The following TBC1D4 variants were observed in gnomAD, a reference collection of about 807,000 sequenced individuals.
The protein encoded by TBC1D4 is TBC (Tre-2, BUB2, CDC16) domain-containing protein.
Under a neutral mutation model 142.5 loss-of-function variants are expected in TBC1D4, and 121 were observed. The observed-to-expected ratio is 0.85, with a 90% CI of 0.73 to 0.99. The LOEUF (loss-of-function observed/expected upper bound fraction) is 0.99. TBC1D4 is among the 50% of genes least tolerant of loss of function. TBC1D4 has a pLI of 0.00. For synonymous variants in TBC1D4, 630 were observed against 628.2 expected, an observed-to-expected ratio of 1.00 and a Z score of -0.04; for missense variants, 1,475 against 1,606.6, an observed-to-expected ratio of 0.92 and a Z score of 1.40.
intron 1 of TBC1D4, among the ~76,000 whole-genome samples, chr13:75,457,655 G>A (rs1887793337): frequency 6.6e-6 from 1 of 152,150 alleles, no homozygotes. Context: ...TCTTTCACTT[G>A]ACACAGGCAA....
chr13:75,473,918 T>C (rs1175789146), intron 1 of TBC1D4, among the ~76,000 whole-genome samples: 1 of 152,206 alleles, frequency 6.6e-6, no homozygotes. Context: ...TAAATGTAGA[T>C]CCTAATGATC....
At chr13:75,346,016 A>G (rs1287161726) in intron 5 of TBC1D4, among the ~76,000 whole-genome samples, 1 of 152,254 alleles carries the variant, frequency 6.6e-6, no homozygotes, top group Non-Finnish European at 1.5e-5. Context: ...TTGCCTACAC[A>G]GAACTAATTT....
intron 1 of TBC1D4, among the ~76,000 whole-genome samples, chr13:75,399,025 T>C (rs1023584221): frequency 1.3e-5 from 2 of 152,156 alleles, no homozygotes; most frequent in Admixed American, 6.5e-5. Context: ...TCTTAAAATT[T>C]GGGGGTACTA....
At chr13:75,471,111 G>T (rs1888380897) in intron 1 of TBC1D4, among the ~76,000 whole-genome samples, 1 of 151,530 alleles carries the variant, frequency 6.6e-6, no homozygotes, top group African/African-American at 2.4e-5. Context: ...ATTTAATTAT[G>T]TCATGTTCAC....
At chr13:75,465,560 G>A (rs2050998942) in intron 1 of TBC1D4, among the ~76,000 whole-genome samples, 1 of 152,128 alleles carries the variant, frequency 6.6e-6, no homozygotes, top group Non-Finnish European at 1.5e-5. Flanking sequence ...TCTCAAACTG[G>A]AGGTCCCTGT....
chr13:75,393,601 G>T (rs1884609205), intron 1 of TBC1D4, among the ~76,000 whole-genome samples: 2 of 152,082 alleles, frequency 1.3e-5, no homozygotes, highest in Admixed American at 6.5e-5. Context: ...AAATTTGTAG[G>T]TTCCACATTC....
At chr13:75,329,414 G>A (rs1236580358) in intron 8 of TBC1D4, among the ~76,000 whole-genome samples, 5 of 128,378 alleles carry the variant, frequency 3.9e-5, no homozygotes, top group East Asian at 2.4e-4. Flanking sequence ...CTCCCCTCAC[G>A]TCTCCTCTCC....
intron 1 of TBC1D4, among the ~76,000 whole-genome samples, chr13:75,409,792 A>C (rs1885523368): frequency 6.6e-6 from 1 of 152,246 alleles, no homozygotes; most frequent in African/African-American, 2.4e-5. Flanking sequence ...AATTTCAATT[A>C]ATAAATTTAG....
At chr13:75,340,820 C>T (rs1451866469) in intron 7 of TBC1D4, among the ~76,000 whole-genome samples, 1 of 152,158 alleles carries the variant, frequency 6.6e-6, no homozygotes, top group Non-Finnish European at 1.5e-5. Context: ...GTGGTGCATG[C>T]CTGTAGTCCC....
chr13:75,476,604 C>A (rs1367500318), intron 1 of TBC1D4, among the ~76,000 whole-genome samples: 1 of 152,206 alleles, frequency 6.6e-6, no homozygotes, highest in Non-Finnish European at 1.5e-5. Context: ...ACAGGCAAAT[C>A]ATTAAGCTAG....
rs769777796 is a variant in TBC1D4 at position 75,288,972 on chromosome 13, G to C, written c.3625C>G (p.Leu1209Val). ...AGGAGGTCCATGTTTTGTCTTTTCA[G>C]TTGGCTATTGGCCCTCTCCAGCTTC... Reference protein sequence around the residue: ...LEKLERANSQLKRQNMDLLEK... With the variant: ...LEKLERANSQVKRQNMDLLEK... The change falls in exon 20 of 21, where the codon CTG (leucine) becomes GTG (valine). Residue 1209 changes from leucine to valine, a missense_variant. By Grantham distance (32) the Leu-to-Val change is conservative (BLOSUM62 1). Coordinates refer to ENST00000377636, the MANE Select transcript of TBC1D4 (RefSeq NM_014832.5). The C allele has an allele frequency of 3.4e-5, 55 of 1,613,584 alleles. No individual in the cohort carries two copies. Among genetic ancestry groups the C allele is most frequent in the Non-Finnish European group, 4.6e-5 (54 of 1,179,852 alleles).
intron 1 of TBC1D4, among the ~76,000 whole-genome samples, chr13:75,438,993 T>C (rs1189563572): frequency 6.6e-6 from 1 of 152,226 alleles, no homozygotes; most frequent in East Asian, 1.9e-4. Context: ...TACAGTATTA[T>C]GTGGACCATA....
intron 16 of TBC1D4, among the ~76,000 whole-genome samples, chr13:75,301,175 T>C (rs933128299): frequency 6.6e-6 from 1 of 152,238 alleles, no homozygotes. Flanking sequence ...CCACCTGACA[T>C]ATATCAACTT....
intron 5 of TBC1D4, among the ~76,000 whole-genome samples, chr13:75,348,194 ACATT>A (rs1399210815): frequency 6.6e-6 from 1 of 152,202 alleles, no homozygotes; most frequent in East Asian, 1.9e-4. Flanking sequence ...AGTTGTGTAA[ACATT>A]CAACGAATAC....
chr13:75,384,698 T>G (rs74096243), intron 1 of TBC1D4, among the ~76,000 whole-genome samples: 119 of 152,192 alleles, frequency 7.8e-4, no homozygotes, highest in African/African-American at 2.7e-3. Flanking sequence ...TTTCTTATGA[T>G]TAATCTATGA....
At position 75,312,880 on chromosome 13, in the gene TBC1D4, T is replaced by G; in HGVS notation, c.2241A>C (p.Lys747Asn). ...CATTGCTGCAGGTAGATGAGGTCCT[T>G]TTTCTCCCTTCTCCATCACTGTTGA... The part of the protein sequence containing the change: ...ASESSDGEGR[K>N]RTSSTCSNES... The change falls in exon 13 of 21, where the codon AAA becomes AAC. Residue 747 changes from lysine to asparagine, a missense_variant. Transcript: ENST00000377636. The G allele has an allele frequency of 1.2e-6, 2 of 1,614,146 alleles. No individual in the cohort carries two copies. Among genetic ancestry groups the G allele is most frequent in the Non-Finnish European group, 1.7e-6 (2 of 1,180,026 alleles).
chr13:75,417,209 C>T (rs952842923), intron 1 of TBC1D4, among the ~76,000 whole-genome samples: 3 of 152,200 alleles, frequency 2.0e-5, no homozygotes, highest in Non-Finnish European at 4.4e-5. Context: ...GCTGCCCCCT[C>T]GCTGAAATGG....
rs145235278 is a variant in TBC1D4, at chr13:75,465,985, C to A, written c.498+15285G>T. ...GTCCTGTTTTTCCAGACTGAACCAA[C>A]GTACATCTCACCTGTATCGACTGAT... On this transcript the variant is annotated intron_variant, in intron 1 of 20. Coordinates refer to ENST00000377636, the MANE Select transcript of TBC1D4 (RefSeq NM_014832.5). Among the ~76,000 whole-genome samples, 7 of 152,318 alleles carry A rather than the reference C, an allele frequency of 4.6e-5. No individual in the cohort carries two copies. In the East Asian group the frequency reaches 1.3e-3, roughly 29 times the overall value.
At chr13:75,443,040 G>T (rs1191442772) in intron 1 of TBC1D4, among the ~76,000 whole-genome samples, 1 of 152,106 alleles carries the variant, frequency 6.6e-6, no homozygotes, top group Admixed American at 6.6e-5. Flanking sequence ...GGGCTTCATT[G>T]CTCTGTTTAT....
Sources: allele counts gnomAD v4.1 joint callset (sites outside exome capture counted in the v4.1 genomes callset), GRCh38; gene constraint gnomAD v4.1.1; transcripts MANE v1.5; gene names NCBI Gene and HGNC (gene_info 2026-07-23, HGNC 2026-07-21).